Variants in PXDNL observed in about 807,000 individuals in gnomAD.
The protein encoded by PXDNL is probable oxidoreductase PXDNL.
Under a neutral mutation model 150.8 loss-of-function variants are expected in PXDNL, and 145 were observed. The observed-to-expected ratio is 0.96, with a 90% CI of 0.84 to 1.10. The LOEUF is 1.10. PXDNL is among the 50% of genes least tolerant of loss of function. The pLI, the probability that PXDNL is intolerant of heterozygous loss-of-function variation, is 0.00. For synonymous variants in PXDNL, 757 were observed against 725.7 expected (o/e 1.04, Z -0.69); for missense variants, 2,087 against 1,873.9 (o/e 1.11, Z -2.10).
At chr8:51,723,986 G>C (rs1816777154) in intron 1 of PXDNL, among the ~76,000 whole-genome samples, 1 of 151,828 alleles carries the variant, frequency 6.6e-6, no homozygotes, top group African/African-American at 2.4e-5. Flanking sequence ...GGAGGAGTTT[G>C]AGGGTTGAAT....
chr8:51,677,432 G>C (rs545659023), intron 1 of PXDNL, among the ~76,000 whole-genome samples: 1 of 152,302 alleles, frequency 6.6e-6, no homozygotes, highest in East Asian at 1.9e-4. Flanking sequence ...TGATAACCTA[G>C]TTAAAACCTA....
intron 14 of PXDNL, among the ~76,000 whole-genome samples, chr8:51,423,079 A>G (rs777106162): frequency 2.6e-5 from 4 of 152,260 alleles, no homozygotes; most frequent in Admixed American, 1.3e-4. Flanking sequence ...ATAGAATGTA[A>G]AAAGCTATGT....
At chr8:51,729,758 G>C (rs1356713091) in intron 1 of PXDNL, among the ~76,000 whole-genome samples, 1 of 152,090 alleles carries the variant, frequency 6.6e-6, no homozygotes, top group Non-Finnish European at 1.5e-5. Context: ...TCTTTCATCA[G>C]GTGAATGGAT....
chr8:51,484,321 GCTAC>G (rs2130176522), intron 5 of PXDNL, among the ~76,000 whole-genome samples: 1 of 151,648 alleles, frequency 6.6e-6, no homozygotes, highest in African/African-American at 2.4e-5. Context: ...TGTAATCCCA[GCTAC>G]TCCAGAGGCT....
At chr8:51,465,636 C>G (rs1810188895) in intron 8 of PXDNL, among the ~76,000 whole-genome samples, 1 of 152,036 alleles carries the variant, frequency 6.6e-6, no homozygotes, top group South Asian at 2.1e-4. Flanking sequence ...TAATATGATT[C>G]TATACCATGA....
intron 19 of PXDNL, among the ~76,000 whole-genome samples, chr8:51,353,763 C>A (rs1806422574): frequency 6.6e-6 from 1 of 152,130 alleles, no homozygotes; most frequent in South Asian, 2.1e-4. Flanking sequence ...TTAAGCTGTG[C>A]TGAATGGATG....
intron 6 of PXDNL, 81 bp from the exon 7 acceptor site, chr8:51,475,222 T>C: frequency 7.5e-7 from 1 of 1,326,170 alleles, no homozygotes; most frequent in Non-Finnish European, 1.0e-6. Context: ...TAATATTTAA[T>C]TTCCCCTGAT....
At chr8:51,325,572 G>C (rs1304603130) in intron 21 of PXDNL, among the ~76,000 whole-genome samples, 1 of 152,132 alleles carries the variant, frequency 6.6e-6, no homozygotes, top group Admixed American at 6.5e-5. Context: ...GGATGGTGAG[G>C]GGCAGGGCAG....
At chr8:51,702,626 G>A (rs931669757) in intron 1 of PXDNL, among the ~76,000 whole-genome samples, 10 of 152,036 alleles carry the variant, frequency 6.6e-5, no homozygotes, top group African/African-American at 1.7e-4. Context: ...GTACTTAAGC[G>A]GGGTGCCTCA....
At chr8:51,549,147 T>A (rs556669705) in intron 4 of PXDNL, among the ~76,000 whole-genome samples, 1 of 152,204 alleles carries the variant, frequency 6.6e-6, no homozygotes, top group East Asian at 1.9e-4. Flanking sequence ...TAAATACATA[T>A]GCACATAACA....
At chr8:51,328,864 C>A (rs1805595294) in intron 21 of PXDNL, among the ~76,000 whole-genome samples, 3 of 152,176 alleles carry the variant, frequency 2.0e-5, no homozygotes, top group Admixed American at 2.0e-4. Flanking sequence ...ATGAAAAACA[C>A]CCAAAGCCTT....
At chr8:51,796,990 A>G (rs4487755) in intron 1 of PXDNL, among the ~76,000 whole-genome samples, 104,554 of 152,148 alleles carry the variant, frequency 0.69, 42,374 homozygotes, top group Non-Finnish European at 0.9. Context: ...TCAAGTTGGC[A>G]TCATCCCCAG....
intron 1 of PXDNL, among the ~76,000 whole-genome samples, chr8:51,750,254 T>G (rs1195423860): frequency 6.6e-6 from 1 of 152,132 alleles, no homozygotes; most frequent in East Asian, 1.9e-4. Flanking sequence ...ATCCCAGGCC[T>G]GCACAAGGTC....
chr8:51,376,711 T>TTCTC (rs545284646), intron 17 of PXDNL, among the ~76,000 whole-genome samples: 1 of 151,144 alleles, frequency 6.6e-6, no homozygotes, highest in Non-Finnish European at 1.5e-5. Context: ...TTTGCTTCTC[T>TTCTC]TCTCTCTCTC....
chr8:51,514,821 C>T (rs1249110967), intron 4 of PXDNL, among the ~76,000 whole-genome samples: 1 of 152,174 alleles, frequency 6.6e-6, no homozygotes, highest in Non-Finnish European at 1.5e-5. Context: ...CCCACACTGA[C>T]CTCCAGAAAC....
At chr8:51,370,862 G>A (rs539725474) in intron 19 of PXDNL, among the ~76,000 whole-genome samples, 1 of 152,348 alleles carries the variant, frequency 6.6e-6, no homozygotes, top group East Asian at 1.9e-4. Flanking sequence ...TTCCCAAAGT[G>A]CTGGGATTAC....
At chr8:51,708,796 C>A (rs1816437598) in intron 1 of PXDNL, among the ~76,000 whole-genome samples, 2 of 152,090 alleles carry the variant, frequency 1.3e-5, no homozygotes, top group Admixed American at 6.5e-5. Flanking sequence ...AATTGCTAAA[C>A]CTGTGTTCCA....
At chr8:51,342,671 C>T (rs182394329) in intron 20 of PXDNL, among the ~76,000 whole-genome samples, 6 of 152,238 alleles carry the variant, frequency 3.9e-5, no homozygotes, top group East Asian at 1.9e-4. Flanking sequence ...GAGAATCCCA[C>T]GTCAGGTCCA....
At chr8:51,552,828 ATAAT>A (rs1460904213) in intron 4 of PXDNL, among the ~76,000 whole-genome samples, 2 of 152,190 alleles carry the variant, frequency 1.3e-5, no homozygotes, top group Non-Finnish European at 2.9e-5. Flanking sequence ...AACTATTGAA[ATAAT>A]TAATAGTAAC....
Sources: gnomAD v4.1 joint callset for allele counts (sites outside exome capture counted in the v4.1 genomes callset) on GRCh38, gnomAD v4.1.1 for gene constraint, MANE v1.5 for transcripts, NCBI Gene and HGNC (gene_info 2026-07-23, HGNC 2026-07-21) for gene names.